Variants in NRG2 observed in about 807,000 individuals in gnomAD.
NRG2 encodes the protein neuregulin 2.
A neutral mutation model predicts 73.9 loss-of-function variants in NRG2; 27 were observed. The ratio of observed to expected loss-of-function variants is 0.37; its 90% CI spans 0.27 to 0.50. NRG2 has a LOEUF of 0.50. Ranked by LOEUF, NRG2 falls within the 20% of genes least tolerant of loss-of-function variation. The probability of loss-of-function intolerance (pLI) is 0.96; values close to 1 mark genes in which losing one functional copy is unlikely to be tolerated. For missense variants in NRG2, 1,126 were observed against 1,210.1 expected (o/e 0.93, Z 1.03); for synonymous variants, 532 against 541.0 (o/e 0.98, Z 0.23).
At chr5:139,972,210 C>G (rs931637379) in intron 1 of NRG2, among the ~76,000 whole-genome samples, 30 of 152,040 alleles carry the variant, frequency 2.0e-4, no homozygotes, top group African/African-American at 7.2e-4. Context: ...ACTGGAATAA[C>G]AAGTTAACTA....
At chr5:140,034,482 G>A (rs1475387778) in intron 1 of NRG2, among the ~76,000 whole-genome samples, 2 of 152,150 alleles carry the variant, frequency 1.3e-5, no homozygotes, top group East Asian at 3.8e-4. Flanking sequence ...GGCAGTCCTA[G>A]CCAGTGTAAT....
intron 1 of NRG2, among the ~76,000 whole-genome samples, chr5:140,006,880 A>C (rs1758946798): frequency 6.6e-6 from 1 of 152,224 alleles, no homozygotes; most frequent in Non-Finnish European, 1.5e-5. Context: ...AGAGAGGCTC[A>C]TTAACCTGCC....
chr5:139,899,088 G>A (rs905507628), intron 1 of NRG2, among the ~76,000 whole-genome samples: 2 of 152,122 alleles, frequency 1.3e-5, no homozygotes, highest in East Asian at 3.9e-4. Context: ...TGTCTATCTC[G>A]TCCTGCCAGG....
At chr5:140,005,527 T>C (rs1471904835) in intron 1 of NRG2, among the ~76,000 whole-genome samples, 1 of 152,244 alleles carries the variant, frequency 6.6e-6, no homozygotes, top group Non-Finnish European at 1.5e-5. Context: ...TCTCTCTAGC[T>C]GCATCACTGC....
At chr5:139,876,048 C>T (rs918138664) in intron 3 of NRG2, among the ~76,000 whole-genome samples, 18 of 152,178 alleles carry the variant, frequency 1.2e-4, no homozygotes, top group Admixed American at 1.3e-4. Flanking sequence ...ATGTCCACAG[C>T]AGCATTATTA....
intron 1 of NRG2, among the ~76,000 whole-genome samples, chr5:140,007,302 T>C (rs1758986301): frequency 6.6e-6 from 1 of 152,094 alleles, no homozygotes; most frequent in African/African-American, 2.4e-5. Flanking sequence ...GTGCGAGCTG[T>C]AGTGCCTTCT....
intron 1 of NRG2, among the ~76,000 whole-genome samples, chr5:140,000,010 C>A (rs2126618197): frequency 6.6e-6 from 1 of 152,260 alleles, no homozygotes; most frequent in Middle Eastern, 3.4e-3. Context: ...TTTATACGCT[C>A]ATGCATTTTC....
At chr5:139,882,214 T>C (rs1441905092) in intron 2 of NRG2, among the ~76,000 whole-genome samples, 1 of 152,050 alleles carries the variant, frequency 6.6e-6, no homozygotes. Context: ...ATGGAGCTGA[T>C]GGGGTAAGGA....
intron 1 of NRG2, among the ~76,000 whole-genome samples, chr5:139,902,242 C>G (rs959439031): frequency 6.6e-6 from 1 of 152,216 alleles, no homozygotes; most frequent in East Asian, 1.9e-4. Flanking sequence ...GTTAGGGATA[C>G]CAAGCCTCAG....
intron 1 of NRG2, among the ~76,000 whole-genome samples, chr5:140,000,738 G>A (rs1353505137): frequency 6.6e-6 from 1 of 152,224 alleles, no homozygotes; most frequent in Non-Finnish European, 1.5e-5. Flanking sequence ...GATTGGCTTG[G>A]TCTGCACTAT....
At chr5:139,927,593 G>C (rs555111700) in intron 1 of NRG2, among the ~76,000 whole-genome samples, 6 of 151,840 alleles carry the variant, frequency 4.0e-5, no homozygotes, top group Non-Finnish European at 4.4e-5. Context: ...GAGAAACCCC[G>C]TCTCTACTAA....
At chr5:139,932,313 C>CACAT (rs1193817606) in intron 1 of NRG2, among the ~76,000 whole-genome samples, 2 of 151,450 alleles carry the variant, frequency 1.3e-5, no homozygotes, top group Admixed American at 6.6e-5. Context: ...TGCCATTTGC[C>CACAT]ACATCATGAT....
chr5:139,992,105 T>C (rs966769000), intron 1 of NRG2, among the ~76,000 whole-genome samples: 2 of 152,236 alleles, frequency 1.3e-5, no homozygotes, highest in African/African-American at 4.8e-5. Flanking sequence ...TGATATTAAA[T>C]TATCCTATCT....
intron 1 of NRG2, among the ~76,000 whole-genome samples, chr5:140,002,471 G>A (rs914296701): frequency 3.3e-5 from 5 of 152,176 alleles, no homozygotes; most frequent in African/African-American, 9.7e-5. Context: ...TGAGCCACAC[G>A]GATTTTTAGG....
chr5:140,030,084 CCCTGAG>C (rs746707196), intron 1 of NRG2, among the ~76,000 whole-genome samples: 22 of 152,284 alleles, frequency 1.4e-4, no homozygotes, highest in Non-Finnish European at 2.8e-4. Flanking sequence ...TTGGATTACT[CCCTGAG>C]TCATGTGGAC....
intron 1 of NRG2, among the ~76,000 whole-genome samples, chr5:139,949,366 G>A (rs1218797506): frequency 6.6e-6 from 1 of 152,142 alleles, no homozygotes; most frequent in Non-Finnish European, 1.5e-5. Flanking sequence ...CCTGCTCTTA[G>A]GAAAAGACCC....
chr5:139,852,912 T>C lies in NRG2; in HGVS notation c.1408A>G (p.Met470Val). ...HPRLDPEEIQ[M>V]ADYISKNVPA... Reference sequence around the variant, plus strand: ...CCAGGAAAGCCACTCACATCTGCCATCTGGATCTCCTCTGGGTCCAGCCGG... The same window carrying C: ...CCAGGAAAGCCACTCACATCTGCCACCTGGATCTCCTCTGGGTCCAGCCGG... Residue 470 changes from methionine to valine, a missense_variant, in exon 7 of 10, where the codon ATG (methionine) becomes GTG (valine). Coordinates refer to ENST00000361474, the MANE Select transcript of NRG2 (RefSeq NM_004883.3). This position sits in a 1 kb window ranked among gnomAD's most constrained non-coding sequence, Gnocchi z 4.4. 6.2e-7 allele frequency: 1 copy of C among 1,613,100 alleles called. No individual in the cohort carries two copies. Among genetic ancestry groups the C allele is most frequent in the Non-Finnish European group, 8.5e-7 (1 of 1,179,672 alleles).
At chr5:140,020,047 C>T (rs944722229) in intron 1 of NRG2, among the ~76,000 whole-genome samples, 2 of 152,122 alleles carry the variant, frequency 1.3e-5, no homozygotes, top group Non-Finnish European at 2.9e-5. Context: ...GCCACCATGC[C>T]CAGCTGGGAT....
chr5:139,886,627 T>G (rs984583340), intron 2 of NRG2, among the ~76,000 whole-genome samples: 2 of 152,148 alleles, frequency 1.3e-5, no homozygotes, highest in Non-Finnish European at 2.9e-5. Context: ...CCCTTGCTTC[T>G]CCTTGAGAGG....
Sources: allele counts gnomAD v4.1 joint callset (sites outside exome capture counted in the v4.1 genomes callset), GRCh38; gene constraint gnomAD v4.1.1; non-coding constraint Gnocchi (gnomAD v3.1); transcripts MANE v1.5; gene names NCBI Gene and HGNC (gene_info 2026-07-23, HGNC 2026-07-21).